Variants in ZNF362 observed in about 807,000 individuals in gnomAD.
ZNF362 encodes the protein rotund homolog.
ZNF362 carries 11 observed loss-of-function variants against 42.9 expected under a neutral mutation model. That is an observed-to-expected ratio of 0.26 (90% CI 0.16 to 0.42). The LOEUF (loss-of-function observed/expected upper bound fraction) is 0.42, where lower values mean the gene tolerates loss of function less well. Ranked by LOEUF, ZNF362 falls within the 20% of genes least tolerant of loss-of-function variation. The pLI is 1.00. For missense variants in ZNF362, 362 were observed against 576.2 expected (o/e 0.63, Z 3.81); for synonymous variants, 255 against 257.3 (o/e 0.99, Z 0.09).
At chr1:33,158,240 A>G in the ZNF362 span, 1 of 1,611,694 alleles carries the variant, frequency 6.2e-7, no homozygotes, top group Non-Finnish European at 8.5e-7. Context: ...GACCATGATA[A>G]CCCATGCCTT....
At chr1:33,297,757 G>A (rs1037548456) in intron 8 of ZNF362, among the ~76,000 whole-genome samples, 13 of 152,018 alleles carry the variant, frequency 8.6e-5, no homozygotes, top group Admixed American at 6.5e-5. Context: ...CAGGTGATCC[G>A]CCCGCCTCAG....
chr1:33,211,919 A>T, the ZNF362 span, among the ~76,000 whole-genome samples: 1 of 152,104 alleles, frequency 6.6e-6, no homozygotes, highest in East Asian at 1.9e-4. Flanking sequence ...TGCTGGTGGG[A>T]ATATCAAATG....
intron 2 of ZNF362, among the ~76,000 whole-genome samples, chr1:33,275,548 G>A (rs192092597): frequency 6.6e-6 from 1 of 152,282 alleles, no homozygotes; most frequent in African/African-American, 2.4e-5. Context: ...TAATCATTTG[G>A]GTCACTGTAA....
chr1:33,256,142 C>T (rs1267643318), upstream of ZNF362, among the ~76,000 whole-genome samples: 2 of 149,486 alleles, frequency 1.3e-5, no homozygotes, highest in African/African-American at 4.9e-5. Flanking sequence ...GCGGCGCGGG[C>T]GGGGGGCGCA....
intron 6 of ZNF362, among the ~76,000 whole-genome samples, chr1:33,286,199 G>T (rs1211845844): frequency 1.3e-5 from 2 of 152,232 alleles, no homozygotes; most frequent in African/African-American, 2.4e-5. Context: ...AAGAGCAATT[G>T]TATTTGCATT....
intron 1 of ZNF362, among the ~76,000 whole-genome samples, chr1:33,257,908 C>A (rs1645804798): frequency 6.6e-6 from 1 of 152,128 alleles, no homozygotes; most frequent in African/African-American, 2.4e-5. Context: ...GGCAAGTGAG[C>A]TTGGCCCTTT....
intron 3 of ZNF362, 74 bp from the exon 4 acceptor site, chr1:33,276,274 G>A (rs1319127785): frequency 2.6e-6 from 4 of 1,559,108 alleles, no homozygotes; most frequent in African/African-American, 1.4e-5. Flanking sequence ...AGGGGCTCGC[G>A]GGTGGACCAG....
At chr1:33,278,258 T>TTCA (rs1645966112) in intron 4 of ZNF362, among the ~76,000 whole-genome samples, 1 of 152,184 alleles carries the variant, frequency 6.6e-6, no homozygotes, top group Non-Finnish European at 1.5e-5. Context: ...CTTTTCAATG[T>TTCA]TCATGTGTGT....
At chr1:33,175,031 T>TATGTATATGTATATGTATATTTATATGTA in the ZNF362 span, among the ~76,000 whole-genome samples, 1 of 147,102 alleles carries the variant, frequency 6.8e-6, no homozygotes, top group Non-Finnish European at 1.5e-5. Context: ...ATGTATATGT[T>TATGTATATGTATATGTATATTTATATGTA]TATGTATATG....
chr1:33,251,322 C>T, the ZNF362 span, among the ~76,000 whole-genome samples: 1 of 152,202 alleles, frequency 6.6e-6, no homozygotes, highest in Non-Finnish European at 1.5e-5. Context: ...CCACATCTAT[C>T]AGTCACCAAG....
chr1:33,147,112 T>A, the ZNF362 span: 4 of 1,552,008 alleles, frequency 2.6e-6, no homozygotes, highest in South Asian at 2.4e-5. This position sits in a 1 kb window ranked among gnomAD's most constrained non-coding sequence, Gnocchi z 8.1. Flanking sequence ...AGGTCTTCTA[T>A]CTCCTGGGCA....
chr1:33,227,964 G>A, the ZNF362 span, among the ~76,000 whole-genome samples: 19 of 152,128 alleles, frequency 1.2e-4, no homozygotes, highest in Non-Finnish European at 2.2e-4. Flanking sequence ...CACCTGCATT[G>A]ACACCTGTTT....
the ZNF362 span, among the ~76,000 whole-genome samples, chr1:33,177,688 A>G: frequency 6.6e-6 from 1 of 152,100 alleles, no homozygotes; most frequent in South Asian, 2.1e-4. This position sits in a 1 kb window ranked among gnomAD's most constrained non-coding sequence, Gnocchi z 4.1. Context: ...GGAGTTTGCT[A>G]CTGGCATCTA....
chr1:33,192,265 G>C, the ZNF362 span, among the ~76,000 whole-genome samples: 25,669 of 152,176 alleles, frequency 0.17, 2,547 homozygotes, highest in South Asian at 0.27. Context: ...AGATGTTAGA[G>C]AGACTTCATA....
intron 2 of ZNF362, among the ~76,000 whole-genome samples, chr1:33,271,967 G>A (rs1340943428): frequency 1.3e-5 from 2 of 152,200 alleles, no homozygotes; most frequent in African/African-American, 2.4e-5. Context: ...CCTGGCTGGA[G>A]GTGGGGACTT....
At chr1:33,176,617 C>T in the ZNF362 span, 7 of 506,884 alleles carry the variant, frequency 1.4e-5, no homozygotes, top group African/African-American at 3.8e-5. Flanking sequence ...GCCCTCGGGG[C>T]GTCAGCTGGC....
At chr1:33,154,631 C>T in the ZNF362 span, among the ~76,000 whole-genome samples, 1 of 151,464 alleles carries the variant, frequency 6.6e-6, no homozygotes, top group Non-Finnish European at 1.5e-5. Flanking sequence ...AACACCGTCT[C>T]TACTAAAAAT....
chr1:33,223,910 A>G, the ZNF362 span, among the ~76,000 whole-genome samples: 1 of 149,226 alleles, frequency 6.7e-6, no homozygotes, highest in East Asian at 2.0e-4. Context: ...AAAAAAAAAA[A>G]GAAAAAAGAG....
the ZNF362 span, among the ~76,000 whole-genome samples, chr1:33,192,978 T>TCC: frequency 1.2e-5 from 1 of 82,456 alleles, no homozygotes; most frequent in Non-Finnish European, 2.4e-5. Context: ...TGTCTCTCTC[T>TCC]CCACACACAC....
Sources: allele counts gnomAD v4.1 joint callset (sites outside exome capture counted in the v4.1 genomes callset), GRCh38; gene constraint gnomAD v4.1.1; non-coding constraint Gnocchi (gnomAD v3.1); transcripts MANE v1.5; gene names NCBI Gene and HGNC (gene_info 2026-07-23, HGNC 2026-07-21).